The following IQCH variants were observed in gnomAD, a reference collection of about 807,000 sequenced individuals.
The protein encoded by IQCH is IQ motif containing H.
A neutral mutation model predicts 117.0 loss-of-function variants in IQCH; 98 were observed. That is an observed-to-expected ratio of 0.84 (90% confidence interval 0.71 to 0.99). The LOEUF (loss-of-function observed/expected upper bound fraction) is 0.99. IQCH is among the 50% of genes least tolerant of loss of function. IQCH has a pLI of 0.00. For missense variants in IQCH, 1,102 were observed against 1,243.8 expected, an observed-to-expected ratio of 0.89 and a Z score of 1.72; for synonymous variants, 412 against 448.2, an observed-to-expected ratio of 0.92 and a Z score of 1.02.
rs185608244 is a variant in IQCH, at chr15:67,430,097, C to T, written c.2505+8520C>T. Among the ~76,000 whole-genome samples the T allele has an allele frequency of 2.0e-5, 3 of 152,198 alleles. No individual in the cohort carries two copies. Among genetic ancestry groups the T allele is most frequent in the East Asian group, 3.9e-4 (2 of 5,174 alleles). On this transcript the variant is annotated intron_variant, in intron 16 of 20. Coordinates refer to ENST00000335894, the MANE Select transcript of IQCH (RefSeq NM_001031715.3). The surrounding 1 kb of genome is among the most constrained non-coding windows in gnomAD (Gnocchi z 5.1). ...CCCTAGAAATGGGGAAATTCTAGGC[C>T]TTCAGAGATGGCACGCAGAGTACAT...
intron 15 of IQCH, among the ~76,000 whole-genome samples, chr15:67,419,025 G>T (rs531385737): frequency 6.6e-6 from 1 of 152,170 alleles, no homozygotes; most frequent in East Asian, 1.9e-4. Context: ...GAGTTTTGTA[G>T]ATGAGAAAGG....
At chr15:67,428,590 C>A (rs1331148492) in intron 16 of IQCH, among the ~76,000 whole-genome samples, 1 of 152,110 alleles carries the variant, frequency 6.6e-6, no homozygotes, top group Non-Finnish European at 1.5e-5. Flanking sequence ...GTGACTCACA[C>A]CTGTAATCCC....
At chr15:67,266,566 A>G (rs1402658218) in intron 3 of IQCH, among the ~76,000 whole-genome samples, 1 of 152,204 alleles carries the variant, frequency 6.6e-6, no homozygotes, top group Non-Finnish European at 1.5e-5. Flanking sequence ...CTGAGGCAGG[A>G]GAATGGCGTG....
In IQCH at chr15:67,457,385, G is replaced by T. The variant is rs1286334517; in HGVS notation, c.2506-7742G>T. 6.6e-6 allele frequency among the ~76,000 whole-genome samples: 1 copy of T among 152,182 alleles called. No individual in the cohort carries two copies. Among genetic ancestry groups the T allele is most frequent in the Non-Finnish European group, 1.5e-5 (1 of 68,034 alleles). ...GGAAAAAATATGTCATTTAGTAACT[G>T]CCTAAGAAAACGTGTTCTGTTTATA... On this transcript the variant is annotated intron_variant, in intron 16 of 20. Transcript: ENST00000335894. The surrounding 1 kb of genome is among the most constrained non-coding windows in gnomAD (Gnocchi z 5.7).
rs567193557 is a variant in IQCH at position 67,304,402 on chromosome 15, G to A, written c.387+24890G>A. ...TGAAAACATCCACCACAGAGCTGCT[G>A]TAAATGCGAACTATGGAATCAGTTT... On this transcript the variant is annotated intron_variant, in intron 4 of 20. Coordinates refer to ENST00000335894, the MANE Select transcript of IQCH (RefSeq NM_001031715.3). The A allele has an allele frequency of 1.9e-5, 29 of 1,535,068 alleles. No individual in the cohort carries two copies. The African/African-American group carries it at 3.0e-4, about 16-fold the overall frequency.
At chr15:67,291,086 A>G (rs1567069523) in intron 4 of IQCH, among the ~76,000 whole-genome samples, 1 of 152,198 alleles carries the variant, frequency 6.6e-6, no homozygotes, top group Non-Finnish European at 1.5e-5. Flanking sequence ...TGCAAGTCCA[A>G]CCACTAGGGA....
At chr15:67,419,711 G>A (rs771159447) in intron 15 of IQCH, among the ~76,000 whole-genome samples, 22 of 152,028 alleles carry the variant, frequency 1.4e-4, no homozygotes, top group African/African-American at 3.4e-4. Context: ...ACACCCCCAC[G>A]CCCAGCTAAT....
rs2082654722 is a variant in IQCH, at chr15:67,456,235, A to G, written c.2506-8892A>G. Among the ~76,000 whole-genome samples the G allele has an allele frequency of 6.6e-6, 1 of 152,234 alleles. No homozygotes were observed. The highest frequency in any genetic ancestry group is 1.5e-5 in the Non-Finnish European group (1 of 68,046). ...AAGATTTTCCATTTTTGATCCTCAA[A>G]TTAATTTTAGATATAGTTTCTGCAT... On this transcript the variant is annotated intron_variant, in intron 16 of 20. Transcript: ENST00000335894. The surrounding 1 kb of genome is among the most constrained non-coding windows in gnomAD (Gnocchi z 5.1).
At chr15:67,321,485 TCTTTTTC>T (rs1342632645) in intron 4 of IQCH, among the ~76,000 whole-genome samples, 1 of 151,436 alleles carries the variant, frequency 6.6e-6, no homozygotes, top group African/African-American at 2.4e-5. Context: ...TTTCTTTCTT[TCTTTTTC>T]TTTCTTTTTT....
chr15:67,349,090 C>T (rs1424995667), intron 6 of IQCH, among the ~76,000 whole-genome samples: 1 of 152,180 alleles, frequency 6.6e-6, no homozygotes, highest in Non-Finnish European at 1.5e-5. Context: ...CCATTCCTTG[C>T]ACCATGTACA....
chr15:67,479,404 A>C lies in IQCH; in HGVS notation c.2799+3586A>C, dbSNP rs1003319741. On this transcript the variant is annotated intron_variant, in intron 18 of 20. Coordinates refer to ENST00000335894, the MANE Select transcript of IQCH (RefSeq NM_001031715.3). This position sits in a 1 kb window ranked among gnomAD's most constrained non-coding sequence, Gnocchi z 4.6. ...TCTTACACAAGGTGTCCCCTATATA[A>C]GCCCTTTTCCCCCTAAGGACTGTTT... is the stretch of plus-strand genomic sequence containing the variant. Among the ~76,000 whole-genome samples the C allele has an allele frequency of 2.6e-5, 4 of 152,152 alleles. No homozygotes were observed. The highest frequency in any genetic ancestry group is 7.2e-5 in the African/African-American group (3 of 41,422).
rs574731915 is a variant in IQCH at position 67,489,918 on chromosome 15, G to A, written c.2800-85G>A. On this transcript the variant is annotated intron_variant, in intron 18 of 20. Coordinates refer to ENST00000335894, the MANE Select transcript of IQCH (RefSeq NM_001031715.3). The stretch of plus-strand genomic sequence containing the variant: ...TAGATTTCAAATCAAATCAATCTTA[G>A]TAGTCTTTCTGTGCCAGTAACATTT... 6.4e-6 allele frequency: 6 copies of A among 931,328 alleles called. No homozygotes were observed. In the South Asian group the frequency reaches 8.0e-5, roughly 12 times the overall value. The allele number at this position is 931,328 out of a possible 1,614,324, so 57.7% of individuals were successfully genotyped here.
intron 1 of IQCH, among the ~76,000 whole-genome samples, chr15:67,255,650 T>A (rs988216139): frequency 6.6e-6 from 1 of 152,244 alleles, no homozygotes; most frequent in East Asian, 1.9e-4. Flanking sequence ...ACATATATAA[T>A]AGCTGCATTT....
rs1300727198 is a variant in IQCH, at chr15:67,366,898, G to A, written c.754-5213G>A. 3.9e-5 allele frequency among the ~76,000 whole-genome samples: 6 copies of A among 152,036 alleles called. No homozygotes were observed. Among genetic ancestry groups the A allele is most frequent in the Non-Finnish European group, 7.4e-5 (5 of 68,012 alleles). ...GTTTTCTATCTGAAAAATAGAATAC[G>A]AAAAAAATCCCCCAGGTTTTTTTCA... On this transcript the variant is annotated intron_variant, in intron 8 of 20. Coordinates refer to ENST00000335894, the MANE Select transcript of IQCH (RefSeq NM_001031715.3). The surrounding 1 kb of genome is among the most constrained non-coding windows in gnomAD (Gnocchi z 4.4).
At position 67,344,275 on chromosome 15, in the gene IQCH, T is replaced by C. The variant is rs1969293058; in HGVS notation, c.637+84T>C. The stretch of plus-strand genomic sequence containing the variant: ...GATCTAGCCTTCTAGTAGCCAACTT[T>C]TGTCCTCAATAATAGGACAAGATGA... On this transcript the variant is annotated intron_variant, in intron 6 of 20. Transcript: ENST00000335894. 8.6e-6 allele frequency: 11 copies of C among 1,277,756 alleles called. No individual in the cohort carries two copies. In the South Asian group the frequency reaches 1.6e-4, roughly 18 times the overall value. The allele number at this position is 1,277,756 out of a possible 1,614,324, so 79.2% of individuals were successfully genotyped here. A position where few individuals can be genotyped will look rare whatever the true frequency, so the allele number is the denominator to read the frequency against.
chr15:67,259,653 A>C (rs1351334196), intron 1 of IQCH, among the ~76,000 whole-genome samples: 2 of 152,258 alleles, frequency 1.3e-5, no homozygotes, highest in African/African-American at 4.8e-5. Context: ...ACAGAAAGAT[A>C]CATGGAGCTA....
rs2083721844 is a variant in IQCH at position 67,493,568 on chromosome 15, C to T, written c.2862-690C>T. Among the ~76,000 whole-genome samples, 1 of 152,156 alleles carries T rather than the reference C, an allele frequency of 6.6e-6. No individual in the cohort carries two copies. Among genetic ancestry groups the T allele is most frequent in the Non-Finnish European group, 1.5e-5 (1 of 68,028 alleles). ...AAAATAAACCCTAGACAAAAGACTC[C>T]AGAATACTGAGATGCAAATGTCTCC... On this transcript the variant is annotated intron_variant, in intron 19 of 20. Transcript: ENST00000335894. This position sits in a 1 kb window ranked among gnomAD's most constrained non-coding sequence, Gnocchi z 5.1.
chr15:67,461,745 A>G (rs996797905), intron 16 of IQCH, among the ~76,000 whole-genome samples: 1 of 152,186 alleles, frequency 6.6e-6, no homozygotes, highest in Non-Finnish European at 1.5e-5. Context: ...CTGCTTTTTT[A>G]TCTCAGTGTC....
chr15:67,386,057 G>GCA lies in IQCH; in HGVS notation c.1456+1040_1456+1041dup, dbSNP rs1357326168. ...ATAATTGCTTTAATCTATTATCTAG[G>GCA]CACTCAGATTGTTTTTCAGCATTAC... On this transcript the variant is annotated intron_variant, in intron 11 of 20. Coordinates refer to ENST00000335894, the MANE Select transcript of IQCH (RefSeq NM_001031715.3). This position sits in a 1 kb window ranked among gnomAD's most constrained non-coding sequence, Gnocchi z 5.0. 1.3e-5 allele frequency among the ~76,000 whole-genome samples: 2 copies of GCA among 151,916 alleles called. No individual in the cohort carries two copies. Among genetic ancestry groups the GCA allele is most frequent in the African/African-American group, 4.8e-5 (2 of 41,340 alleles).
Sources: gnomAD v4.1 joint callset for allele counts (sites outside exome capture counted in the v4.1 genomes callset) on GRCh38, gnomAD v4.1.1 for gene constraint, Gnocchi (gnomAD v3.1) non-coding constraint, MANE v1.5 for transcripts, NCBI Gene and HGNC (gene_info 2026-07-23, HGNC 2026-07-21) for gene names.